SIPA1L2: variants seen among roughly 807,000 people sequenced by gnomAD.
The protein encoded by SIPA1L2 is signal-induced proliferation-associated 1-like protein 2.
In SIPA1L2, 56 loss-of-function variants were observed where a neutral mutation model predicts 163.9. The observed-to-expected ratio is 0.34, with a 90% CI of 0.28 to 0.43. The LOEUF (loss-of-function observed/expected upper bound fraction) is 0.43. SIPA1L2 is among the 20% of genes least tolerant of loss of function. The pLI, the probability that SIPA1L2 is intolerant of heterozygous loss-of-function variation, is 1.00. For synonymous variants in SIPA1L2, 877 were observed against 865.7 expected (o/e 1.01, Z -0.23); for missense variants, 1,974 against 2,193.5 (o/e 0.90, Z 2.00).
chr1:232,460,492 T>G (rs1276403450), intron 10 of SIPA1L2, among the ~76,000 whole-genome samples: 1 of 152,154 alleles, frequency 6.6e-6, no homozygotes, highest in African/African-American at 2.4e-5. Context: ...GGCTTCATGT[T>G]ATGGGAAGAA....
At chr1:232,616,963 C>A (rs1662529643) in intron 1 of SIPA1L2, among the ~76,000 whole-genome samples, 1 of 152,180 alleles carries the variant, frequency 6.6e-6, no homozygotes, top group Non-Finnish European at 1.5e-5. Context: ...GATTGAAAAT[C>A]TGTATTTTTT....
At chr1:232,629,053 T>C (rs1663228014) in intron 1 of SIPA1L2, among the ~76,000 whole-genome samples, 1 of 152,198 alleles carries the variant, frequency 6.6e-6, no homozygotes, top group Non-Finnish European at 1.5e-5. Flanking sequence ...TGCACTTGAT[T>C]TTTTCCAATA....
chr1:232,530,474 T>G (rs193067042), intron 2 of SIPA1L2, among the ~76,000 whole-genome samples: 5 of 152,268 alleles, frequency 3.3e-5, no homozygotes, highest in African/African-American at 1.2e-4. Context: ...GTTTCTCCTT[T>G]AAGCACATGC....
chr1:232,540,881 T>C (rs1403860396), intron 2 of SIPA1L2, among the ~76,000 whole-genome samples: 1 of 152,194 alleles, frequency 6.6e-6, no homozygotes, highest in Non-Finnish European at 1.5e-5. Flanking sequence ...CTGTGTGTTG[T>C]TTGTTATATC....
intron 1 of SIPA1L2, among the ~76,000 whole-genome samples, chr1:232,595,280 T>G: frequency 6.6e-6 from 1 of 152,310 alleles, no homozygotes; most frequent in East Asian, 1.9e-4. Flanking sequence ...TCCAGTCCAA[T>G]GGGCACAAAG....
Position 232,515,075 on chromosome 1 carries a change from A to G in SIPA1L2, c.265T>C (p.Cys89Arg). ...GCCTTGCATGTTAGCTCCTTGGAACAGTCCTTTTTAGGAGGCCATTCAGAC... is the reference window on the plus strand; with the variant it reads ...GCCTTGCATGTTAGCTCCTTGGAACGGTCCTTTTTAGGAGGCCATTCAGAC... ...RVSEWPPKKD[C>R]SKELTCKALW... The change falls in exon 3 of 23, where the codon TGT becomes CGT. Residue 89 changes from cysteine to arginine, a missense_variant. By Grantham distance (180) the Cys-to-Arg change is radical. Around this residue, in one of 3 missense-constraint regions of SIPA1L2, gnomAD observed 607 missense variants for 624.0 expected, o/e 0.97. Coordinates refer to ENST00000674635, the MANE Select transcript of SIPA1L2 (RefSeq NM_020808.5). 6.2e-7 allele frequency: 1 copy of G among 1,614,166 alleles called. No homozygotes were observed. The highest frequency in any genetic ancestry group is 8.5e-7 in the Non-Finnish European group (1 of 1,180,022).
In SIPA1L2 at chr1:232,441,838, C is replaced by T. The variant is rs1409990610; in HGVS notation, c.3468G>A (p.Gln1156=). Residue 1156 remains glutamine, a synonymous_variant, in exon 13 of 23, where the codon CAG becomes CAA. Coordinates refer to ENST00000674635, the MANE Select transcript of SIPA1L2 (RefSeq NM_020808.5). ...CGTCACATTCCAAAGGGCCTGAGCC[C>T]TGGTGTTCGAGCAGTAGAGGGGACT... is the stretch of plus-strand genomic sequence containing the variant. ...GCQSPLLLEH[Q]GSGPLECDGA... 1.9e-6 allele frequency: 3 copies of T among 1,613,450 alleles called. No individual in the cohort carries two copies. The highest frequency in any genetic ancestry group is 2.2e-5 in the East Asian group (1 of 44,856).
At chr1:232,442,495 C>G (rs1395526100) in intron 12 of SIPA1L2, among the ~76,000 whole-genome samples, 1 of 149,822 alleles carries the variant, frequency 6.7e-6, no homozygotes, top group African/African-American at 2.5e-5. Context: ...TTGCAGTGAG[C>G]CAAGATCATG....
At chr1:232,409,539 G>A (rs987350934) in intron 19 of SIPA1L2, among the ~76,000 whole-genome samples, 2 of 152,190 alleles carry the variant, frequency 1.3e-5, no homozygotes, top group Admixed American at 6.5e-5. Context: ...TAAATAGAAC[G>A]TGGTGAATAT....
At chr1:232,614,125 C>T (rs904289158) in intron 1 of SIPA1L2, among the ~76,000 whole-genome samples, 1 of 152,154 alleles carries the variant, frequency 6.6e-6, no homozygotes, top group Admixed American at 6.5e-5. Context: ...CACTAACTTA[C>T]TGTCATGAAA....
At chr1:232,539,064 TC>T (rs1472641819) in intron 2 of SIPA1L2, among the ~76,000 whole-genome samples, 1 of 152,218 alleles carries the variant, frequency 6.6e-6, no homozygotes, top group Non-Finnish European at 1.5e-5. Flanking sequence ...AGAATGAAAA[TC>T]CTCTCCTCAG....
At chr1:232,477,268 T>C (rs929475694) in intron 7 of SIPA1L2, among the ~76,000 whole-genome samples, 1 of 152,172 alleles carries the variant, frequency 6.6e-6, no homozygotes, top group Non-Finnish European at 1.5e-5. Context: ...GACAGGAAAA[T>C]AAAATGCAAA....
chr1:232,516,506 G>C (rs887883622), intron 2 of SIPA1L2, among the ~76,000 whole-genome samples: 3 of 152,132 alleles, frequency 2.0e-5, no homozygotes, highest in African/African-American at 7.2e-5. Flanking sequence ...TAGTGTGTCT[G>C]TTCTGTCCTG....
chr1:232,499,849 T>G (rs1666375494), intron 3 of SIPA1L2, among the ~76,000 whole-genome samples: 2 of 152,256 alleles, frequency 1.3e-5, no homozygotes, highest in South Asian at 4.1e-4. Flanking sequence ...TGGCTTTAAG[T>G]TGAAGCCAAT....
intron 7 of SIPA1L2, among the ~76,000 whole-genome samples, chr1:232,473,948 C>T (rs549629635): frequency 2.6e-5 from 4 of 152,278 alleles, no homozygotes; most frequent in African/African-American, 9.6e-5. Context: ...ATTCATTTTT[C>T]TGTTTTAGGA....
chr1:232,558,535 T>C (rs1237116723), intron 2 of SIPA1L2, among the ~76,000 whole-genome samples: 1 of 152,220 alleles, frequency 6.6e-6, no homozygotes, highest in East Asian at 1.9e-4. Context: ...ATATTTAGTT[T>C]TGTACATTAC....
At chr1:232,616,872 C>T (rs1018432746) in intron 1 of SIPA1L2, among the ~76,000 whole-genome samples, 3 of 152,070 alleles carry the variant, frequency 2.0e-5, no homozygotes, top group Non-Finnish European at 4.4e-5. Flanking sequence ...AATAGAAAAG[C>T]GGGTGGTTAA....
At chr1:232,498,606 A>G (rs985240311) in intron 3 of SIPA1L2, among the ~76,000 whole-genome samples, 1 of 152,166 alleles carries the variant, frequency 6.6e-6, no homozygotes, top group African/African-American at 2.4e-5. Flanking sequence ...TGCCTTCTCC[A>G]GCTTCTAGAC....
At chr1:232,470,221 A>C (rs1396782809) in intron 8 of SIPA1L2, among the ~76,000 whole-genome samples, 1 of 152,194 alleles carries the variant, frequency 6.6e-6, no homozygotes. Flanking sequence ...CACTTTTAAA[A>C]AGTAGTTCTG....
Sources: gnomAD v4.1 joint callset for allele counts (sites outside exome capture counted in the v4.1 genomes callset) on GRCh38, gnomAD v4.1.1 for gene constraint, gnomAD v4.1.1 regional missense constraint, MANE v1.5 for transcripts, NCBI Gene and HGNC (gene_info 2026-07-23, HGNC 2026-07-21) for gene names.